Variants in IL12RB2 observed in about 807,000 individuals in gnomAD.
The protein encoded by IL12RB2 is interleukin 12 receptor subunit beta 2.
Under a neutral mutation model 89.4 loss-of-function variants are expected in IL12RB2, and 82 were observed. That is an observed-to-expected ratio of 0.92 (90% CI 0.77 to 1.10). The LOEUF is 1.10. Among genes scored for constraint, IL12RB2 ranks in the 50% least tolerant of loss-of-function variants. The probability of loss-of-function intolerance (pLI) is 0.00; values close to 1 mark genes in which losing one functional copy is unlikely to be tolerated. For missense variants in IL12RB2, 963 were observed against 1,031.9 expected (o/e 0.93, Z 0.92); for synonymous variants, 368 against 370.1 (o/e 0.99, Z 0.07).
chr1:67,386,457 T>A, intron 14 of IL12RB2, 122 bp from the exon 15 acceptor site: 1 of 779,632 alleles, frequency 1.3e-6, no homozygotes, highest in Non-Finnish European at 2.4e-6. Context: ...GAATTTACCT[T>A]ATTCTTGAGC....
chr1:67,320,664 A>G (rs1288720932), intron 3 of IL12RB2, among the ~76,000 whole-genome samples: 1 of 152,194 alleles, frequency 6.6e-6, no homozygotes, highest in Non-Finnish European at 1.5e-5. Flanking sequence ...ATTTCTTCCT[A>G]AGAAAGTGGC....
Position 67,350,085 on chromosome 1 carries a change from G to A in IL12RB2, c.1039-785G>A, listed in dbSNP as rs1660667113. 2.6e-5 allele frequency among the ~76,000 whole-genome samples: 4 copies of A among 152,222 alleles called. No individual in the cohort carries two copies. In the South Asian group the frequency reaches 8.3e-4, roughly 31 times the overall value. On this transcript the variant is annotated intron_variant, in intron 9 of 16. Transcript: ENST00000674203. ...GGACAGCCTTGCCAAGAAAACTGTA[G>A]CACTTGAATCTGGTGAGCAAGCCTT...
At chr1:67,377,687 A>G (rs1376648445) in intron 13 of IL12RB2, among the ~76,000 whole-genome samples, 1 of 81,114 alleles carries the variant, frequency 1.2e-5, no homozygotes, top group African/African-American at 4.9e-5. Context: ...TATCTTCCCC[A>G]CCCCCCACCC....
chr1:67,362,302 C>T (rs1249657254), intron 10 of IL12RB2, among the ~76,000 whole-genome samples: 3 of 149,868 alleles, frequency 2.0e-5, no homozygotes, highest in Non-Finnish European at 4.4e-5. Context: ...CGCGGTGGCT[C>T]ACGCCTGTAA....
Position 67,351,006 on chromosome 1 carries a change from A to T in IL12RB2, c.1175A>T (p.Asn392Ile), listed in dbSNP as rs140805324. 126 of 1,614,012 alleles carry T rather than the reference A, an allele frequency of 7.8e-5. No individual in the cohort carries two copies. Among genetic ancestry groups the T allele is most frequent in the Non-Finnish European group, 9.1e-5 (107 of 1,180,028 alleles). The change falls in exon 10 of 17, where the codon AAT becomes ATT. Residue 392 changes from asparagine (N) to isoleucine (I), a missense_variant. Physicochemically the swap from Asn to Ile is moderately radical, Grantham distance 149 (BLOSUM62 -3). Coordinates refer to ENST00000674203, the MANE Select transcript of IL12RB2 (RefSeq NM_001374259.2). ...SWTTVIPRTG[N>I]WAVAVSAANS... is the part of the protein sequence containing the mutation. ...ACCACAGTCATTCCTAGAACCGGAA[A>T]TTGGGCTGTGGCTGTGTCTGCAGCA...
chr1:67,325,374 C>T (rs183645024), intron 4 of IL12RB2, among the ~76,000 whole-genome samples: 76 of 151,790 alleles, frequency 5.0e-4, no homozygotes, highest in Admixed American at 7.9e-4. Context: ...GTGATTCTCA[C>T]GCCTCAGCCT....
Position 67,346,949 on chromosome 1 carries a change from G to C in IL12RB2, c.1039-3921G>C, listed in dbSNP as rs573775621. ...TTTTATATTACTTTAGAGTAACTGA[G>C]AGAAGGGAAGTCACCAAGAGTCTTA... On this transcript the variant is annotated intron_variant, in intron 9 of 16. Transcript: ENST00000674203. Among the ~76,000 whole-genome samples the C allele has an allele frequency of 3.9e-5, 6 of 152,230 alleles. No individual in the cohort carries two copies. The East Asian group carries it at 5.8e-4, about 15-fold the overall frequency.
chr1:67,353,529 A>G (rs887905663), intron 10 of IL12RB2, among the ~76,000 whole-genome samples: 1 of 152,254 alleles, frequency 6.6e-6, no homozygotes, highest in African/African-American at 2.4e-5. Context: ...TGATCGCACC[A>G]CTGCACTCCA....
intron 7 of IL12RB2, 27 bp from the exon 8 acceptor site, chr1:67,330,633 G>A (rs1251940340): frequency 4.3e-6 from 5 of 1,165,988 alleles, no homozygotes; most frequent in Non-Finnish European, 5.2e-6. Context: ...GTATTAATAG[G>A]CACTTTAAAA....
At chr1:67,329,751 G>GA in intron 7 of IL12RB2, 22 bp downstream of exon 7, 2 of 1,547,924 alleles carry the variant, frequency 1.3e-6, no homozygotes, top group East Asian at 2.2e-5. Context: ...TAGAGTGAAG[G>GA]AAAAAACACT....
At chr1:67,393,364 G>A (rs1275742042) in intron 16 of IL12RB2, among the ~76,000 whole-genome samples, 1 of 152,236 alleles carries the variant, frequency 6.6e-6, no homozygotes, top group Admixed American at 6.5e-5. Context: ...TGCCCCCGAG[G>A]ACTTGGCAGC....
At chr1:67,371,951 C>A (rs981481611) in intron 11 of IL12RB2, among the ~76,000 whole-genome samples, 6 of 152,160 alleles carry the variant, frequency 3.9e-5, no homozygotes, top group African/African-American at 1.4e-4. Flanking sequence ...AGGTTCTATG[C>A]CTGCAAAATT....
At chr1:67,391,340 C>T (rs11591116) in intron 16 of IL12RB2, among the ~76,000 whole-genome samples, 96,017 of 148,308 alleles carry the variant, frequency 0.65, 31,545 homozygotes, top group South Asian at 0.73. Context: ...ACAGCAAAAA[C>T]AGTGATAATA....
chr1:67,388,897 T>C lies in IL12RB2; in HGVS notation c.1947-1132T>C, dbSNP rs754869471. On this transcript the variant is annotated intron_variant, in intron 15 of 16. Transcript: ENST00000674203. ...ACTTGTCTAACAGGCTGTACATTTA[T>C]TGAAGATCTAATGTGTGATAGATAC... Among the ~76,000 whole-genome samples, 5 of 152,188 alleles carry C rather than the reference T, an allele frequency of 3.3e-5. No homozygotes were observed. In the East Asian group the frequency reaches 5.8e-4, roughly 18 times the overall value.
intron 2 of IL12RB2, among the ~76,000 whole-genome samples, chr1:67,317,602 C>T (rs958980636): frequency 4.6e-5 from 7 of 152,220 alleles, no homozygotes; most frequent in East Asian, 1.9e-4. Flanking sequence ...ACTTTAATCA[C>T]GTCTCCAAAG....
intron 13 of IL12RB2, among the ~76,000 whole-genome samples, chr1:67,376,687 TCTC>T (rs1664021637): frequency 7.2e-6 from 1 of 139,484 alleles, no homozygotes; most frequent in Non-Finnish European, 1.6e-5. Flanking sequence ...CTATTTTTGT[TCTC>T]CTAATATGTG....
intron 9 of IL12RB2, among the ~76,000 whole-genome samples, chr1:67,348,915 AC>A (rs1169634394): frequency 1.3e-5 from 2 of 152,152 alleles, no homozygotes; most frequent in African/African-American, 4.8e-5. Context: ...TTACTTGTCC[AC>A]CTACTTCCAT....
intron 10 of IL12RB2, among the ~76,000 whole-genome samples, chr1:67,355,918 T>C (rs146413063): frequency 8.5e-5 from 13 of 152,352 alleles, no homozygotes; most frequent in African/African-American, 3.1e-4. Flanking sequence ...CCCTAGGCAA[T>C]GCCAAGTTGA....
chr1:67,352,311 G>A (rs758529355), intron 10 of IL12RB2, among the ~76,000 whole-genome samples: 2 of 152,216 alleles, frequency 1.3e-5, no homozygotes, highest in Non-Finnish European at 2.9e-5. Flanking sequence ...GAAGTCCAGA[G>A]GTAGACAGCC....
Sources: gnomAD v4.1 joint callset for allele counts (sites outside exome capture counted in the v4.1 genomes callset) on GRCh38, gnomAD v4.1.1 for gene constraint, MANE v1.5 for transcripts, NCBI Gene and HGNC (gene_info 2026-07-23, HGNC 2026-07-21) for gene names.